SIL1: variants seen among roughly 807,000 people sequenced by gnomAD.
SIL1 encodes SIL1 nucleotide exchange factor.
Under a neutral mutation model 49.1 loss-of-function variants are expected in SIL1, and 40 were observed. The observed-to-expected ratio is 0.81, with a 90% CI of 0.63 to 1.06. SIL1 has a LOEUF of 1.06. Ranked by LOEUF, SIL1 falls within the 50% of genes least tolerant of loss-of-function variation. The pLI is 0.00. For synonymous variants in SIL1, 253 were observed against 250.8 expected (o/e 1.01, Z -0.08); for missense variants, 500 against 572.6 (o/e 0.87, Z 1.29).
At chr5:139,100,010 T>G (rs1211944360) in intron 3 of SIL1, among the ~76,000 whole-genome samples, 2 of 152,178 alleles carry the variant, frequency 1.3e-5, no homozygotes, top group Non-Finnish European at 2.9e-5. Flanking sequence ...TATTACCCAT[T>G]GCATGCCTGT....
intron 7 of SIL1, among the ~76,000 whole-genome samples, chr5:139,014,703 T>A (rs995232712): frequency 6.6e-6 from 1 of 152,202 alleles, no homozygotes; most frequent in Non-Finnish European, 1.5e-5. Flanking sequence ...TTGAAAAAAG[T>A]AATCAGACTT....
chr5:139,126,966 AGGAGAG>A (rs1219256105), intron 2 of SIL1, among the ~76,000 whole-genome samples: 1 of 152,046 alleles, frequency 6.6e-6, no homozygotes, highest in African/African-American at 2.4e-5. Context: ...ATCAAGGGAG[AGGAGAG>A]GGAGGGCATT....
At chr5:138,981,595 C>T (rs191514135) in intron 7 of SIL1, among the ~76,000 whole-genome samples, 1 of 152,290 alleles carries the variant, frequency 6.6e-6, no homozygotes, top group East Asian at 1.9e-4. Flanking sequence ...GGATATTCCC[C>T]CCTGGGATTA....
At chr5:138,976,310 C>CTTTT (rs542941622) in intron 7 of SIL1, among the ~76,000 whole-genome samples, 24 of 134,410 alleles carry the variant, frequency 1.8e-4, no homozygotes, top group East Asian at 1.0e-3. Flanking sequence ...TATTACCTCT[C>CTTTT]TTTTTTTTTT....
intron 7 of SIL1, among the ~76,000 whole-genome samples, chr5:138,982,413 T>C (rs1025567476): frequency 1.3e-5 from 2 of 152,196 alleles, no homozygotes; most frequent in African/African-American, 2.4e-5. Context: ...TGAGAATAAA[T>C]TGGAAAACAA....
At chr5:139,042,995 C>T (rs945126743) in intron 4 of SIL1, among the ~76,000 whole-genome samples, 1 of 152,098 alleles carries the variant, frequency 6.6e-6, no homozygotes, top group Non-Finnish European at 1.5e-5. Context: ...CAGACCCTGT[C>T]TCTAAAAATA....
At position 139,057,314 on chromosome 5, in the gene SIL1, T is replaced by TTAAA. The variant is rs781049621; in HGVS notation, c.245-6269_245-6268insTTTA. On this transcript the variant is annotated intron_variant, in intron 3 of 9. Transcript: ENST00000394817. ...GCGAGAAACACCCAAGAATGATCAA[T>TTAAA]AAAAAAAAAAAAAAGAAAAGAAAAG... is the stretch of plus-strand genomic sequence containing the variant. 1.8e-3 allele frequency among the ~76,000 whole-genome samples: 134 copies of TTAAA among 73,338 alleles called. 13 individuals are homozygous for TTAAA. The highest frequency in any genetic ancestry group is 7.2e-3 in the Middle Eastern group (1 of 138). 48.1% of individuals were successfully genotyped at this position (73,338 alleles called of 152,430 possible).
intron 7 of SIL1, among the ~76,000 whole-genome samples, chr5:138,959,729 G>T (rs1318109941): frequency 6.6e-6 from 1 of 152,196 alleles, no homozygotes; most frequent in African/African-American, 2.4e-5. Flanking sequence ...TCCCTACAGT[G>T]GTGGTGCCCA....
intron 3 of SIL1, among the ~76,000 whole-genome samples, chr5:139,077,427 T>G (rs1769977093): frequency 2.6e-5 from 4 of 152,186 alleles, no homozygotes. Context: ...TCTTGTTATT[T>G]TACATTTTTA....
intron 1 of SIL1, among the ~76,000 whole-genome samples, chr5:139,195,726 G>T (rs1047051284): frequency 6.6e-6 from 1 of 152,164 alleles, no homozygotes; most frequent in African/African-American, 2.4e-5. Context: ...GAGCCCCAGA[G>T]GTGAAGTAAC....
chr5:139,139,103 C>T (rs1751032484), intron 1 of SIL1, among the ~76,000 whole-genome samples: 2 of 152,216 alleles, frequency 1.3e-5, no homozygotes, highest in Non-Finnish European at 2.9e-5. Flanking sequence ...ACAGCCGGGG[C>T]AAATGCAGCT....
At chr5:139,112,596 T>C (rs1355246882) in intron 3 of SIL1, among the ~76,000 whole-genome samples, 2 of 121,346 alleles carry the variant, frequency 1.6e-5, no homozygotes, top group African/African-American at 6.6e-5. Context: ...AAGTGAGGAG[T>C]GTCTCCGCCC....
At chr5:139,173,027 A>G (rs1183142241) in intron 1 of SIL1, among the ~76,000 whole-genome samples, 1 of 152,008 alleles carries the variant, frequency 6.6e-6, no homozygotes, top group Non-Finnish European at 1.5e-5. Context: ...TAAGAGACTA[A>G]TGCATTAAAA....
chr5:139,034,062 CA>C (rs1402417094), intron 5 of SIL1, among the ~76,000 whole-genome samples: 7 of 152,146 alleles, frequency 4.6e-5, no homozygotes, highest in African/African-American at 9.6e-5. Context: ...GCCCTTTTAT[CA>C]TTATGTAAAT....
At chr5:138,976,771 T>C (rs1160766961) in intron 7 of SIL1, among the ~76,000 whole-genome samples, 1 of 152,202 alleles carries the variant, frequency 6.6e-6, no homozygotes, top group Admixed American at 6.5e-5. Context: ...TATTACGTAT[T>C]ACTTTAACGT....
In SIL1 at chr5:138,966,897, G is replaced by A. The variant is rs140850517; in HGVS notation, c.768-15013C>T. On this transcript the variant is annotated intron_variant, in intron 7 of 9. Transcript: ENST00000394817. ...AACTGGATTCCACTGGGGACACGCC[G>A]CAAATTACTAGCCTAATGGCCAGGA... is the stretch of plus-strand genomic sequence containing the variant. Among the ~76,000 whole-genome samples, 7 of 152,272 alleles carry A rather than the reference G, an allele frequency of 4.6e-5. No individual in the cohort carries two copies. The East Asian group carries it at 5.8e-4, about 13-fold the overall frequency.
At chr5:139,021,318 A>G (rs776718748) in intron 6 of SIL1, 26 bp from the exon 7 acceptor site, 5 of 1,613,840 alleles carry the variant, frequency 3.1e-6, no homozygotes, top group Non-Finnish European at 4.2e-6. Context: ...TGCTTAGTAC[A>G]GCATAGCCAT....
intron 1 of SIL1, among the ~76,000 whole-genome samples, chr5:139,170,722 G>A (rs1286805330): frequency 4.1e-5 from 6 of 146,628 alleles, no homozygotes; most frequent in African/African-American, 1.5e-4. Context: ...CAGCCACCCC[G>A]TCTGGGAAGT....
chr5:139,108,527 G>T (rs1770775383), intron 3 of SIL1, among the ~76,000 whole-genome samples: 1 of 152,222 alleles, frequency 6.6e-6, no homozygotes. Context: ...TGTGTCAAGG[G>T]ACAGGGCTGT....
Sources: gnomAD v4.1 joint callset for allele counts (sites outside exome capture counted in the v4.1 genomes callset) on GRCh38, gnomAD v4.1.1 for gene constraint, MANE v1.5 for transcripts, NCBI Gene and HGNC (gene_info 2026-07-23, HGNC 2026-07-21) for gene names.